ATG14: variants seen among roughly 807,000 people sequenced by gnomAD.
ATG14 encodes autophagy related 14.
Under a neutral mutation model 60.4 loss-of-function variants are expected in ATG14, and 35 were observed. The observed-to-expected ratio is 0.58, with a 90% confidence interval of 0.44 to 0.77. ATG14 has a LOEUF of 0.77. Among genes scored for constraint, ATG14 ranks in the 30% least tolerant of loss-of-function variants. The pLI is 0.00. For missense variants in ATG14, 647 were observed against 626.3 expected (o/e 1.03, Z -0.35); for synonymous variants, 234 against 228.8 (o/e 1.02, Z -0.21).
intron 1 of ATG14, among the ~76,000 whole-genome samples, chr14:55,401,950 G>A (rs972453396): frequency 1.3e-5 from 2 of 152,210 alleles, no homozygotes; most frequent in Non-Finnish European, 2.9e-5. Flanking sequence ...AATGACGGGA[G>A]TATGCTACTA....
intron 1 of ATG14, among the ~76,000 whole-genome samples, chr14:55,401,319 C>A (rs990589638): frequency 2.6e-5 from 4 of 151,682 alleles, no homozygotes; most frequent in Non-Finnish European, 5.9e-5. Flanking sequence ...TTTTATTTCA[C>A]ACAAATTATT....
At chr14:55,381,535 T>G (rs74324636) in intron 6 of ATG14, among the ~76,000 whole-genome samples, 8,854 of 152,310 alleles carry the variant, frequency 0.058, 323 homozygotes, top group South Asian at 0.09. Flanking sequence ...ATAAAATGTG[T>G]CTTATCCATA....
Position 55,395,828 on chromosome 14 carries a change from T to C in ATG14, c.327+112A>G, listed in dbSNP as rs564068815. 51 of 671,384 alleles carry C rather than the reference T, an allele frequency of 7.6e-5. No individual in the cohort carries two copies. The East Asian group carries it at 1.6e-3, about 22-fold the overall frequency. The allele number at this position is 671,384 out of a possible 1,614,324, so 41.6% of individuals were successfully genotyped here. ...AAAGCCACGCTACAAGTGGATTAAGTAGAGGACTGCTAAATACGATTTTTA... is the reference window on the plus strand; with the variant it reads ...AAAGCCACGCTACAAGTGGATTAAGCAGAGGACTGCTAAATACGATTTTTA... On this transcript the variant is annotated intron_variant, in intron 3 of 9. Coordinates refer to ENST00000247178, the MANE Select transcript of ATG14 (RefSeq NM_014924.5).
chr14:55,397,513 A>G, intron 1 of ATG14, 79 bp from the exon 2 acceptor site: 1 of 1,114,988 alleles, frequency 9.0e-7, no homozygotes, highest in Non-Finnish European at 1.3e-6. Flanking sequence ...CCCAAGAACC[A>G]ATCATTCTGC....
At position 55,380,875 on chromosome 14, in the gene ATG14, A is replaced by ATATATAT. The variant is rs377330757; in HGVS notation, c.878-186_878-185insATATATA. On this transcript the variant is annotated intron_variant, in intron 6 of 9. Coordinates refer to ENST00000247178, the MANE Select transcript of ATG14 (RefSeq NM_014924.5). ...TGTGTGTATATATATATATATATATATTTTTTTTTTTTTTTTTGCTGAGAG... is the reference window on the plus strand; with the variant it reads ...TGTGTGTATATATATATATATATATATATATATTTTTTTTTTTTTTTTTTGCTGAGAG... Among the ~76,000 whole-genome samples, 433 of 112,670 alleles carry ATATATAT rather than the reference A, an allele frequency of 3.8e-3. 4 individuals are homozygous for ATATATAT. The highest frequency in any genetic ancestry group is 9.4e-3 in the Middle Eastern group (2 of 212). The allele number at this position is 112,670 out of a possible 152,430, so 73.9% of individuals were successfully genotyped here.
chr14:55,383,203 C>G, intron 5 of ATG14, among the ~76,000 whole-genome samples: 1 of 152,102 alleles, frequency 6.6e-6, no homozygotes, highest in African/African-American at 2.4e-5. Context: ...TTCACAGGTT[C>G]CATGTCTTGA....
intron 3 of ATG14, among the ~76,000 whole-genome samples, chr14:55,392,371 G>A (rs967093395): frequency 6.6e-6 from 1 of 152,044 alleles, no homozygotes; most frequent in African/African-American, 2.4e-5. Context: ...ATCTATGGCC[G>A]GGTGCAGTGA....
intron 9 of ATG14, among the ~76,000 whole-genome samples, chr14:55,376,429 T>G (rs1884920279): frequency 6.6e-6 from 1 of 152,186 alleles, no homozygotes. Flanking sequence ...CATGAACCAA[T>G]GAATGGGATC....
intron 1 of ATG14, among the ~76,000 whole-genome samples, chr14:55,400,836 G>A (rs189123717): frequency 1.9e-4 from 29 of 151,904 alleles, no homozygotes; most frequent in South Asian, 1.2e-3. Context: ...CCCGGGAAGC[G>A]GAGGTTGCAG....
chr14:55,384,526 T>C (rs966641196), intron 5 of ATG14, among the ~76,000 whole-genome samples: 3 of 152,248 alleles, frequency 2.0e-5, no homozygotes, highest in African/African-American at 2.4e-5. Flanking sequence ...CTAAAAACTT[T>C]CTATTTTGCT....
chr14:55,406,036 A>T (rs891189719), intron 1 of ATG14, among the ~76,000 whole-genome samples: 3 of 152,222 alleles, frequency 2.0e-5, no homozygotes, highest in Admixed American at 6.5e-5. Context: ...CGACAAAAAA[A>T]TAATGAGTTT....
At chr14:55,380,875 A>ATATTTT (rs377330757) in intron 6 of ATG14, among the ~76,000 whole-genome samples, 185 bp from the exon 7 acceptor site, 2 of 112,732 alleles carry the variant, frequency 1.8e-5, no homozygotes, top group African/African-American at 7.6e-5. Context: ...ATATATATAT[A>ATATTTT]TTTTTTTTTT....
At chr14:55,391,028 G>T (rs1451606294) in intron 3 of ATG14, 36 bp from the exon 4 acceptor site, 4 of 1,412,888 alleles carry the variant, frequency 2.8e-6, no homozygotes, top group Non-Finnish European at 4.0e-6. Flanking sequence ...ACAAACGTTG[G>T]TCTCTTATGG....
chr14:55,380,875 A>ATATATATATATATTTTT (rs377330757), intron 6 of ATG14, among the ~76,000 whole-genome samples, 185 bp from the exon 7 acceptor site: 2 of 112,702 alleles, frequency 1.8e-5, no homozygotes, highest in African/African-American at 3.8e-5. Context: ...ATATATATAT[A>ATATATATATATATTTTT]TTTTTTTTTT....
intron 3 of ATG14, chr14:55,395,075 T>C (rs1349765963): frequency 2.0e-5 from 10 of 503,738 alleles, no homozygotes; most frequent in Non-Finnish European, 3.2e-5. Context: ...CTTTTCCCTT[T>C]TGTTTGCACT....
chr14:55,388,074 T>G (rs1594780563), intron 4 of ATG14, among the ~76,000 whole-genome samples: 1 of 151,882 alleles, frequency 6.6e-6, no homozygotes, highest in Non-Finnish European at 1.5e-5. Context: ...GAGGTGAAGG[T>G]TGCAGTGAGC....
Position 55,411,752 on chromosome 14 carries a change from C to T in ATG14, c.71G>A (p.Arg24Gln), listed in dbSNP as rs769153270. The change falls in exon 1 of 10, where the codon CGG (arginine) becomes CAG (glutamine). Residue 24 changes from arginine to glutamine, a missense_variant. Arg to Gln is a conservative substitution (Grantham distance 43, BLOSUM62 1). Transcript: ENST00000247178. ...ATCGTCCACGGAGTCCACCAGGTCC[C>T]GGGCGAGCGGCCGGGGCCCGCAGCC... is the stretch of plus-strand genomic sequence containing the variant. ...APGCGPRPLA[R>Q]DLVDSVDDAE... is the part of the protein sequence containing the mutation. 2 of 1,608,374 alleles carry T rather than the reference C, an allele frequency of 1.2e-6. No individual in the cohort carries two copies. The highest frequency in any genetic ancestry group is 1.1e-5 in the South Asian group (1 of 90,246).
chr14:55,378,221 C>T (rs1235186205), intron 7 of ATG14, 147 bp from the exon 8 acceptor site: 4 of 641,882 alleles, frequency 6.2e-6, no homozygotes, highest in Non-Finnish European at 1.1e-5. Context: ...TCTAAGAATA[C>T]ACCATTCCCC....
At chr14:55,380,777 T>C in intron 6 of ATG14, 87 bp from the exon 7 acceptor site, 1 of 874,344 alleles carries the variant, frequency 1.1e-6, no homozygotes, top group Non-Finnish European at 1.8e-6. Flanking sequence ...TATGATTTTA[T>C]CATGATAGCA....
Sources: allele counts gnomAD v4.1 joint callset (sites outside exome capture counted in the v4.1 genomes callset), GRCh38; gene constraint gnomAD v4.1.1; transcripts MANE v1.5; gene names NCBI Gene and HGNC (gene_info 2026-07-23, HGNC 2026-07-21).